Variants in IL1RAPL1 observed in about 807,000 individuals in gnomAD.
IL1RAPL1 encodes the protein interleukin 1 receptor accessory protein like 1.
In IL1RAPL1, 3 loss-of-function variants were observed where a neutral mutation model predicts 48.4. The ratio of observed to expected loss-of-function variants is 0.06; its 90% confidence interval spans 0.03 to 0.16. IL1RAPL1 has a LOEUF of 0.16. Among genes scored for constraint, IL1RAPL1 ranks in the 10% least tolerant of loss-of-function variants. The probability of loss-of-function intolerance (pLI) is 1.00; values close to 1 mark genes in which losing one functional copy is unlikely to be tolerated. For synonymous variants in IL1RAPL1, 185 were observed against 187.7 expected, an observed-to-expected ratio of 0.99 and a Z score of 0.12; for missense variants, 349 against 530.6, an observed-to-expected ratio of 0.66 and a Z score of 3.36.
At chrX:28,800,844 G>A (rs1467349535) in intron 2 of IL1RAPL1, among the ~76,000 whole-genome samples, 1 of 93,769 alleles carries the variant, frequency 1.1e-5, no homozygotes, top group South Asian at 5.3e-4. Flanking sequence ...CATATTAAAG[G>A]GATTTTATTT....
intron 2 of IL1RAPL1, among the ~76,000 whole-genome samples, chrX:29,099,803 A>G (rs1055808236): frequency 1.8e-5 from 2 of 112,065 alleles, no homozygotes; most frequent in African/African-American, 6.5e-5. Flanking sequence ...TTTATGTTAG[A>G]CACGTTTTCT....
intron 1 of IL1RAPL1, chrX:28,659,344 G>T: frequency 1.8e-6 from 1 of 553,402 alleles, no homozygotes; most frequent in Admixed American, 2.3e-5. Flanking sequence ...TACCAGGCCT[G>T]TAACGATGAG....
chrX:29,616,087 A>G (rs150316452), intron 5 of IL1RAPL1, among the ~76,000 whole-genome samples: 3,384 of 111,903 alleles, frequency 0.03, 124 homozygotes, highest in African/African-American at 0.1. Flanking sequence ...AGGAACAGAG[A>G]CAGGGTCCCA....
chrX:29,810,864 A>G (rs1489914736), intron 6 of IL1RAPL1, among the ~76,000 whole-genome samples: 1 of 111,817 alleles, frequency 8.9e-6, no homozygotes, highest in Non-Finnish European at 1.9e-5. Flanking sequence ...CTGCTTAACA[A>G]TTTTACATAG....
chrX:28,813,521 A>C (rs1191266653), intron 2 of IL1RAPL1, among the ~76,000 whole-genome samples: 3 of 111,186 alleles, frequency 2.7e-5, no homozygotes, highest in African/African-American at 9.8e-5. Flanking sequence ...TGTTAGATGG[A>C]GTATTCTATA....
intron 6 of IL1RAPL1, among the ~76,000 whole-genome samples, chrX:29,721,149 A>G (rs1927629198): frequency 9.2e-6 from 1 of 108,192 alleles, no homozygotes; most frequent in African/African-American, 3.7e-5. Flanking sequence ...GGATGAAGCA[A>G]GAACACAATG....
chrX:29,400,385 A>G (rs1011420390), intron 5 of IL1RAPL1, among the ~76,000 whole-genome samples: 1 of 112,678 alleles, frequency 8.9e-6, no homozygotes, highest in South Asian at 3.6e-4. Flanking sequence ...CCAAATGTGC[A>G]TAATTTTTGT....
intron 5 of IL1RAPL1, among the ~76,000 whole-genome samples, chrX:29,592,800 C>T (rs775863926): frequency 8.9e-6 from 1 of 111,942 alleles, no homozygotes; most frequent in South Asian, 3.8e-4. Flanking sequence ...AATGTCCTGG[C>T]CTCACAGGCC....
chrX:29,610,389 A>G (rs1328637020), intron 5 of IL1RAPL1, among the ~76,000 whole-genome samples: 1 of 111,612 alleles, frequency 9.0e-6, no homozygotes, highest in Non-Finnish European at 1.9e-5. Flanking sequence ...AAAATACTAT[A>G]TTTCCCGTAG....
At chrX:28,815,837 A>ATGTATGTGTGTGTG (rs1555926459) in intron 2 of IL1RAPL1, among the ~76,000 whole-genome samples, 3 of 41,561 alleles carry the variant, frequency 7.2e-5, no homozygotes, top group African/African-American at 4.1e-4. Context: ...ATGTGTGTTT[A>ATGTATGTGTGTGTG]TGTATATATA....
At chrX:29,252,136 G>A (rs1382002567) in intron 2 of IL1RAPL1, among the ~76,000 whole-genome samples, 3 of 105,090 alleles carry the variant, frequency 2.9e-5, no homozygotes, top group East Asian at 6.4e-4. Flanking sequence ...GAGGGGGGAG[G>A]GATAGCTTTA....
intron 1 of IL1RAPL1, among the ~76,000 whole-genome samples, chrX:28,629,663 C>G (rs775808022): frequency 8.9e-6 from 1 of 111,863 alleles, no homozygotes; most frequent in African/African-American, 3.2e-5. Context: ...GAAATTGGGA[C>G]TATCTAATAA....
intron 3 of IL1RAPL1, among the ~76,000 whole-genome samples, chrX:29,373,383 AT>A (rs1933572292): frequency 9.0e-6 from 1 of 111,347 alleles, no homozygotes; most frequent in Non-Finnish European, 1.9e-5. Flanking sequence ...TTGAATTCTT[AT>A]TTTCCTGTTT....
rs779066364 is a variant in IL1RAPL1, at chrX:29,910,453, T to C, written c.779-7011T>C. Among the ~76,000 whole-genome samples the C allele has an allele frequency of 6.3e-5, 7 of 111,913 alleles. No individual in the cohort carries two copies. In the East Asian group the frequency reaches 2.0e-3, roughly 31 times the overall value. Reference sequence around the variant, plus strand: ...AAGGAGATGATACTGTGAGTCCCATTGTATATTCTTGTTTAACATATGTTT... The same window carrying C: ...AAGGAGATGATACTGTGAGTCCCATCGTATATTCTTGTTTAACATATGTTT... On this transcript the variant is annotated intron_variant, in intron 6 of 10. Coordinates refer to ENST00000378993, the MANE Select transcript of IL1RAPL1 (RefSeq NM_014271.4).
intron 2 of IL1RAPL1, among the ~76,000 whole-genome samples, chrX:28,836,824 A>G (rs762022607): frequency 9.1e-6 from 1 of 110,039 alleles, no homozygotes; most frequent in African/African-American, 3.3e-5. Flanking sequence ...TCATGACACA[A>G]AGGTTGATTA....
chrX:29,394,873 C>T (rs942802291), intron 3 of IL1RAPL1, among the ~76,000 whole-genome samples: 6 of 111,717 alleles, frequency 5.4e-5, no homozygotes, highest in African/African-American at 2.0e-4. Context: ...AATAAAGAAC[C>T]ATCTAATTTT....
intron 5 of IL1RAPL1, among the ~76,000 whole-genome samples, chrX:29,465,316 G>A (rs942637833): frequency 2.7e-5 from 3 of 111,046 alleles, no homozygotes; most frequent in African/African-American, 9.8e-5. Flanking sequence ...TGAGATGGGC[G>A]GATCGCTTGA....
chrX:28,756,968 G>A (rs1936112724), intron 1 of IL1RAPL1, among the ~76,000 whole-genome samples: 1 of 111,825 alleles, frequency 8.9e-6, no homozygotes, highest in African/African-American at 3.3e-5. Context: ...GCTAATATTA[G>A]CATCTATCTT....
intron 2 of IL1RAPL1, among the ~76,000 whole-genome samples, chrX:28,994,615 G>GT (rs749446762): frequency 1.8e-4 from 20 of 111,452 alleles, no homozygotes; most frequent in African/African-American, 5.9e-4. Flanking sequence ...ATATTTCAGG[G>GT]TTTTTTGTGT....
Sources: gnomAD v4.1 joint callset for allele counts (sites outside exome capture counted in the v4.1 genomes callset) on GRCh38, gnomAD v4.1.1 for gene constraint, MANE v1.5 for transcripts, NCBI Gene and HGNC (gene_info 2026-07-23, HGNC 2026-07-21) for gene names.